Variants in CREB5 observed in about 807,000 individuals in gnomAD.
CREB5 encodes cyclic AMP-responsive element-binding protein 5.
A neutral mutation model predicts 57.1 loss-of-function variants in CREB5; 19 were observed. The observed-to-expected ratio is 0.33, with a 90% confidence interval of 0.23 to 0.49. CREB5 has a LOEUF of 0.49. Ranked by LOEUF, CREB5 falls within the 20% of genes least tolerant of loss-of-function variation. The pLI is 0.99. For synonymous variants in CREB5, 238 were observed against 238.3 expected, an observed-to-expected ratio of 1.00 and a Z score of 0.01; for missense variants, 579 against 671.6, an observed-to-expected ratio of 0.86 and a Z score of 1.52.
chr7:28,758,723 T>G (rs1805478695), intron 7 of CREB5, among the ~76,000 whole-genome samples: 1 of 152,248 alleles, frequency 6.6e-6, no homozygotes, highest in Admixed American at 6.5e-5. Context: ...ATGAGAGATT[T>G]TACTTTAGTT....
At chr7:28,423,743 A>C (rs1325836986) in intron 1 of CREB5, among the ~76,000 whole-genome samples, 1 of 152,210 alleles carries the variant, frequency 6.6e-6, no homozygotes, top group African/African-American at 2.4e-5. Context: ...CAAAAATGCC[A>C]AGAGCAACTG....
intron 1 of CREB5, among the ~76,000 whole-genome samples, chr7:28,383,701 C>T (rs1787014982): frequency 6.6e-6 from 1 of 152,120 alleles, no homozygotes; most frequent in Non-Finnish European, 1.5e-5. Flanking sequence ...TGAGAAATCA[C>T]CCCCATGACC....
chr7:28,311,779 C>T (rs767927747), intron 1 of CREB5, among the ~76,000 whole-genome samples: 40 of 152,278 alleles, frequency 2.6e-4, no homozygotes, highest in Non-Finnish European at 4.9e-4. Flanking sequence ...TCATTGAAGA[C>T]CCTGACTAAA....
At chr7:28,502,208 A>C (rs2128603704) in intron 3 of CREB5, among the ~76,000 whole-genome samples, 1 of 152,298 alleles carries the variant, frequency 6.6e-6, no homozygotes, top group East Asian at 1.9e-4. Flanking sequence ...AAGAAGTCTA[A>C]AATTCCATGG....
rs1200498039 is a variant in CREB5, at chr7:28,355,638, C to T, written c.-25+56197C>T. On this transcript the variant is annotated intron_variant, in intron 1 of 9. Transcript: ENST00000396299. Reference sequence around the variant, plus strand: ...CATAAAAATGCTCCCCCTGCCACCACTTAAATGGTATTCGCATGTACAGCA... The same window carrying T: ...CATAAAAATGCTCCCCCTGCCACCATTTAAATGGTATTCGCATGTACAGCA... Among the ~76,000 whole-genome samples, 3 of 152,158 alleles carry T rather than the reference C, an allele frequency of 2.0e-5. No homozygotes were observed. In the East Asian group the frequency reaches 5.8e-4, roughly 29 times the overall value.
At chr7:28,701,243 C>T (rs1194257433) in intron 5 of CREB5, among the ~76,000 whole-genome samples, 3 of 152,132 alleles carry the variant, frequency 2.0e-5, no homozygotes, top group Admixed American at 1.3e-4. Flanking sequence ...CTAGTTTCTG[C>T]GGGTGCTGGG....
Position 28,560,925 on chromosome 7 carries a change from C to CGCGT in CREB5, c.292-9439_292-9438insCGTG, listed in dbSNP as rs1562797870. ...GCGCGCGTGCGTGTGCGTGTGTGCG[C>CGCGT]GTGCGTGTGTGCGTGCGTGTGTGTG... On this transcript the variant is annotated intron_variant, in intron 4 of 10. Transcript: ENST00000357727. Among the ~76,000 whole-genome samples the CGCGT allele has an allele frequency of 1.5e-3, 49 of 33,478 alleles. 2 individuals are homozygous for CGCGT. Among genetic ancestry groups the CGCGT allele is most frequent in the Non-Finnish European group, 2.3e-3 (45 of 19,336 alleles). The allele number at this position is 33,478 out of a possible 152,430, so 22.0% of individuals were successfully genotyped here.
intron 4 of CREB5, among the ~76,000 whole-genome samples, chr7:28,561,197 C>T (rs994014178): frequency 5.9e-5 from 9 of 152,172 alleles, no homozygotes; most frequent in African/African-American, 2.2e-4. Context: ...TATATTCACT[C>T]AGCAAACATC....
chr7:28,452,394 T>C (rs1458543353), intron 1 of CREB5, among the ~76,000 whole-genome samples: 2 of 152,080 alleles, frequency 1.3e-5, no homozygotes, highest in African/African-American at 4.8e-5. Flanking sequence ...CCTAGACACA[T>C]GATTATAAAA....
At chr7:28,757,218 A>G (rs1805373569) in intron 7 of CREB5, among the ~76,000 whole-genome samples, 1 of 152,212 alleles carries the variant, frequency 6.6e-6, no homozygotes, top group Non-Finnish European at 1.5e-5. Flanking sequence ...AGAGGAGGAA[A>G]CTGAAGCACA....
At chr7:28,355,941 C>T (rs757894443) in intron 1 of CREB5, among the ~76,000 whole-genome samples, 1 of 152,094 alleles carries the variant, frequency 6.6e-6, no homozygotes, top group African/African-American at 2.4e-5. Flanking sequence ...TCAAGTCGTC[C>T]ATCAGGGCAA....
chr7:28,410,193 C>T (rs1180270710), upstream of CREB5: 1 of 451,594 alleles, frequency 2.2e-6, no homozygotes, highest in Non-Finnish European at 4.4e-6. Flanking sequence ...TCGGAGGGCG[C>T]TTGGCTTTCG....
chr7:28,364,334 T>G (rs1786546876), intron 1 of CREB5, among the ~76,000 whole-genome samples: 1 of 152,236 alleles, frequency 6.6e-6, no homozygotes, highest in South Asian at 2.1e-4. Flanking sequence ...TCTAGCTCTT[T>G]GAGGAAAGTT....
chr7:28,817,917 C>T (rs1432880726), intron 9 of CREB5, among the ~76,000 whole-genome samples, 154 bp from the exon 10 acceptor site: 1 of 152,166 alleles, frequency 6.6e-6, no homozygotes, highest in African/African-American at 2.4e-5. Flanking sequence ...TAAAGGTAAG[C>T]TACAAACTTT....
intron 5 of CREB5, among the ~76,000 whole-genome samples, chr7:28,693,275 G>A (rs1290569889): frequency 2.0e-5 from 3 of 152,302 alleles, no homozygotes; most frequent in East Asian, 1.9e-4. Flanking sequence ...TTGATTACTC[G>A]TCTTAACGGG....
intron 5 of CREB5, among the ~76,000 whole-genome samples, chr7:28,686,882 GTAT>G (rs1341205664): frequency 6.6e-6 from 1 of 151,410 alleles, no homozygotes; most frequent in Non-Finnish European, 1.5e-5. Context: ...TCACAGCTGT[GTAT>G]TATTTTCTGC....
intron 5 of CREB5, among the ~76,000 whole-genome samples, chr7:28,642,921 G>A (rs1798713287): frequency 6.9e-6 from 1 of 145,900 alleles, no homozygotes; most frequent in African/African-American, 2.5e-5. Flanking sequence ...TTTAAGATAT[G>A]CCACAAACAG....
intron 4 of CREB5, among the ~76,000 whole-genome samples, chr7:28,550,472 A>C (rs1794588787): frequency 6.6e-6 from 1 of 152,192 alleles, no homozygotes; most frequent in African/African-American, 2.4e-5. Context: ...AATGGCCACC[A>C]TTGCCAATTC....
chr7:28,561,035 T>C (rs28632137), intron 4 of CREB5, among the ~76,000 whole-genome samples: 15,049 of 87,142 alleles, frequency 0.17, 3,591 homozygotes, highest in Non-Finnish European at 0.21. Flanking sequence ...CGTGTGTGTG[T>C]GTGTGTGTGA....
Sources: gnomAD v4.1 joint callset for allele counts (sites outside exome capture counted in the v4.1 genomes callset) on GRCh38, gnomAD v4.1.1 for gene constraint, MANE v1.5 for transcripts, NCBI Gene and HGNC (gene_info 2026-07-23, HGNC 2026-07-21) for gene names.